LALBA: variants seen among roughly 807,000 people sequenced by gnomAD.
LALBA encodes the protein alpha-lactalbumin.
LALBA carries 12 observed loss-of-function variants against 13.4 expected under a neutral mutation model. That is an observed-to-expected ratio of 0.89 (90% confidence interval 0.57 to 1.45). LALBA has a LOEUF of 1.45. LALBA is among the 40% of genes most tolerant of loss of function. The pLI, the probability that LALBA is intolerant of heterozygous loss-of-function variation, is 0.00. For synonymous variants in LALBA, 64 were observed against 61.0 expected (o/e 1.05, Z -0.23); for missense variants, 145 against 165.9 (o/e 0.87, Z 0.69).
chr12:48,570,004 G>A lies in LALBA; in HGVS notation c.17C>T (p.Pro6Leu), dbSNP rs776047551. 14 of 1,613,884 alleles carry A rather than the reference G, an allele frequency of 8.7e-6. No individual in the cohort carries two copies. Among genetic ancestry groups the A allele is most frequent in the Non-Finnish European group, 1.0e-5 (12 of 1,179,996 alleles). ...GAACAGGATGCCCACCAGGAACAGA[G>A]GGACAAAGAACCTCATTTTGGCTAC... MRFFV[P>L]LFLVGILFPA... Residue 6 changes from proline (P) to leucine (L), a missense_variant, in exon 1 of 4, where the codon CCT becomes CTT. Coordinates refer to ENST00000301046, the MANE Select transcript of LALBA (RefSeq NM_002289.3).
At chr12:48,569,059 A>G in intron 2 of LALBA, 23 bp downstream of exon 2, 1 of 1,575,324 alleles carries the variant, frequency 6.3e-7, no homozygotes, top group Non-Finnish European at 8.6e-7. Context: ...AAACAGAGAA[A>G]GAGGGTTATA....
chr12:48,570,144 G>C, upstream of LALBA: 1 of 1,055,926 alleles, frequency 9.5e-7, no homozygotes, highest in Non-Finnish European at 1.4e-6. Context: ...AAGAGAGACT[G>C]GTCATGCCAA....
intron 1 of LALBA, 103 bp from the exon 2 acceptor site, chr12:48,569,343 G>A: frequency 2.0e-6 from 2 of 975,718 alleles, no homozygotes; most frequent in East Asian, 2.6e-5. Context: ...AATCTCCAAA[G>A]ATGGCAAAGC....
chr12:48,567,821 G>A lies in LALBA; in HGVS notation c.*136C>T, dbSNP rs368642775. ...CCTGGAAAATAGTCTTCAAGAATTC[G>A]GTGATGTCACTACAGGGCCCAAGGC... On this transcript the variant is annotated 3_prime_UTR_variant, in exon 4 of 4. Transcript: ENST00000301046. 113 of 729,846 alleles carry A rather than the reference G, an allele frequency of 1.5e-4. No individual in the cohort carries two copies. The highest frequency in any genetic ancestry group is 1.3e-3 in the African/African-American group (75 of 56,842). 45.2% of individuals were successfully genotyped at this position (729,846 alleles called of 1,614,324 possible).
At chr12:48,570,169 G>A (rs1938616928), upstream of LALBA, 1 of 782,542 alleles carries the variant, frequency 1.3e-6, no homozygotes, top group Non-Finnish European at 2.0e-6. Context: ...GAAACGCTGA[G>A]CCTGCCAGCT....
At chr12:48,568,403 A>G (rs1938592675) in intron 3 of LALBA, 114 bp downstream of exon 3, 1 of 721,408 alleles carries the variant, frequency 1.4e-6, no homozygotes, top group Non-Finnish European at 2.4e-6. Context: ...GCTTTGTTTC[A>G]GACACTGTAT....
intron 1 of LALBA, among the ~76,000 whole-genome samples, 155 bp from the exon 2 acceptor site, chr12:48,569,395 A>G (rs2137134194): frequency 6.6e-6 from 1 of 152,310 alleles, no homozygotes; most frequent in South Asian, 2.1e-4. Context: ...AAAAAAAATC[A>G]GACAATAAGA....
rs1254800956 is a variant in LALBA, at chr12:48,568,570, A to G, written c.315T>C (p.Thr105=). Residue 105 remains threonine (T), a synonymous_variant, in exon 3 of 4, where the codon ACT becomes ACC. Coordinates refer to ENST00000301046, the MANE Select transcript of LALBA (RefSeq NM_002289.3). Reference sequence around the variant, plus strand: ...TCTTCTTGGCACACATTATGTCATCAGTAATGTCATCATCCAGGAACTCTG... The same window carrying G: ...TCTTCTTGGCACACATTATGTCATCGGTAATGTCATCATCCAGGAACTCTG... ...SCDKFLDDDI[T]DDIMCAKKIL... 6.3e-7 allele frequency: 1 copy of G among 1,597,876 alleles called. No homozygotes were observed. The highest frequency in any genetic ancestry group is 1.7e-5 in the Admixed American group (1 of 58,442).
intron 1 of LALBA, 144 bp from the exon 2 acceptor site, chr12:48,569,384 A>AGATCAGT: frequency 1.6e-6 from 1 of 625,420 alleles, no homozygotes; most frequent in Non-Finnish European, 2.7e-6. Flanking sequence ...GGAGAATTCC[A>AGATCAGT]AAAAAAAATC....
chr12:48,568,724 A>T, intron 2 of LALBA, 132 bp from the exon 3 acceptor site: 2 of 627,106 alleles, frequency 3.2e-6, no homozygotes, highest in South Asian at 2.1e-5. Context: ...TTCTATATGA[A>T]AGGACCAATG....
chr12:48,569,279 C>T, intron 1 of LALBA, 39 bp from the exon 2 acceptor site: 1 of 1,539,096 alleles, frequency 6.5e-7, no homozygotes, highest in Non-Finnish European at 8.9e-7. Context: ...CAGAGATGTA[C>T]AGGATCTGCA....
At chr12:48,569,356 A>C in intron 1 of LALBA, 116 bp from the exon 2 acceptor site, 1 of 872,884 alleles carries the variant, frequency 1.1e-6, no homozygotes, top group Non-Finnish European at 1.8e-6. Flanking sequence ...GGCAAAGCTC[A>C]GAGTTTCTTG....
At chr12:48,568,660 C>A in intron 2 of LALBA, 68 bp from the exon 3 acceptor site, 1 of 928,836 alleles carries the variant, frequency 1.1e-6, no homozygotes, top group South Asian at 1.5e-5. Flanking sequence ...ACTGAGTTCC[C>A]CTAACCCCTG....
chr12:48,571,386 C>CTTTTTTTTTTTTTT (rs60444004), upstream of LALBA, among the ~76,000 whole-genome samples: 15 of 98,032 alleles, frequency 1.5e-4, 1 homozygote, highest in Non-Finnish European at 2.0e-4. Context: ...CTTCTTCTTC[C>CTTTTTTTTTTTTTT]TTTTTTTTTT....
At chr12:48,570,111 G>C, upstream of LALBA, 1 of 1,363,192 alleles carries the variant, frequency 7.3e-7, no homozygotes, top group Admixed American at 1.9e-5. Flanking sequence ...CTGGTACCAA[G>C]CCCTACATCT....
At chr12:48,571,386 C>CCTTTTTT (rs577621862), upstream of LALBA, among the ~76,000 whole-genome samples, 2 of 98,056 alleles carry the variant, frequency 2.0e-5, no homozygotes, top group African/African-American at 4.1e-5. Flanking sequence ...CTTCTTCTTC[C>CCTTTTTT]TTTTTTTTTT....
At chr12:48,571,596 G>C (rs1056886110), upstream of LALBA, among the ~76,000 whole-genome samples, 1 of 152,088 alleles carries the variant, frequency 6.6e-6, no homozygotes, top group African/African-American at 2.4e-5. Context: ...TGTTGGCCAG[G>C]CTGGTCTCAA....
chr12:48,569,936 G>T lies in LALBA; in HGVS notation c.85C>A (p.Gln29Lys). 6.2e-7 allele frequency: 1 copy of T among 1,614,022 alleles called. No homozygotes were observed. The highest frequency in any genetic ancestry group is 1.3e-5 in the African/African-American group (1 of 75,016). The stretch of plus-strand genomic sequence containing the variant: ...TAACCATCTATGTCTTTCAGCAGCT[G>T]GGACAGCTCACATTTTGTGAATTGC... ...AKQFTKCELSQLLKDIDGYGG... is the reference protein window; with the variant it reads ...AKQFTKCELSKLLKDIDGYGG... Residue 29 changes from glutamine to lysine, a missense_variant, in exon 1 of 4, where the codon CAG becomes AAG. Coordinates refer to ENST00000301046, the MANE Select transcript of LALBA (RefSeq NM_002289.3).
Position 48,569,989 on chromosome 12 carries a change from C to G in LALBA, c.32G>C (p.Gly11Ala), listed in dbSNP as rs747113532. MRFFVPLFLV[G>A]ILFPAILAKQ... ...GGCCAGGATGGCAGGGAACAGGATG[C>G]CCACCAGGAACAGAGGGACAAAGAA... Residue 11 changes from glycine (G) to alanine (A), a missense_variant, in exon 1 of 4, where the codon GGC becomes GCC. Coordinates refer to ENST00000301046, the MANE Select transcript of LALBA (RefSeq NM_002289.3). The G allele has an allele frequency of 1.7e-5, 28 of 1,613,986 alleles. No homozygotes were observed. In the South Asian group the frequency reaches 2.0e-4, roughly 11 times the overall value.
Sources: allele counts gnomAD v4.1 joint callset (sites outside exome capture counted in the v4.1 genomes callset), GRCh38; gene constraint gnomAD v4.1.1; transcripts MANE v1.5; gene names NCBI Gene and HGNC (gene_info 2026-07-23, HGNC 2026-07-21).